Variants in FOXO3 observed in about 807,000 individuals in gnomAD.
The protein encoded by FOXO3 is forkhead box O3, also known as forkhead box protein O3.
In FOXO3, 4 loss-of-function variants were observed where a neutral mutation model predicts 41.9. That is an observed-to-expected ratio of 0.10 (90% confidence interval 0.05 to 0.22). FOXO3 has a LOEUF of 0.22. FOXO3 is among the 10% of genes least tolerant of loss of function. The probability of loss-of-function intolerance (pLI) is 1.00; values close to 1 mark genes in which losing one functional copy is unlikely to be tolerated. For missense variants in FOXO3, 534 were observed against 906.8 expected (o/e 0.59, Z 5.28); for synonymous variants, 318 against 389.3 (o/e 0.82, Z 2.16).
chr6:108,599,804 C>A (rs950782139), intron 1 of FOXO3, among the ~76,000 whole-genome samples: 1 of 152,200 alleles, frequency 6.6e-6, no homozygotes, highest in Non-Finnish European at 1.5e-5. Context: ...CAGACAAATT[C>A]TATCTTCTTC....
chr6:108,678,633 GAAT>G (rs1426472651), intron 2 of FOXO3, among the ~76,000 whole-genome samples: 1 of 151,812 alleles, frequency 6.6e-6, no homozygotes, highest in Non-Finnish European at 1.5e-5. Flanking sequence ...ATTGGAGGCA[GAAT>G]AATAATAATG....
chr6:108,614,797 T>C (rs1777448825), intron 1 of FOXO3, among the ~76,000 whole-genome samples: 1 of 152,086 alleles, frequency 6.6e-6, no homozygotes, highest in South Asian at 2.1e-4. Flanking sequence ...TCTGTTATCT[T>C]GCTATTAGTT....
intron 1 of FOXO3, among the ~76,000 whole-genome samples, chr6:108,629,905 G>C (rs1282512001): frequency 2.0e-5 from 3 of 152,116 alleles, no homozygotes; most frequent in Non-Finnish European, 2.9e-5. Context: ...CATTTGCTTG[G>C]TTATATAAAT....
At chr6:108,606,676 G>A (rs1777211512) in intron 1 of FOXO3, among the ~76,000 whole-genome samples, 1 of 152,202 alleles carries the variant, frequency 6.6e-6, no homozygotes, top group African/African-American at 2.4e-5. Flanking sequence ...TAGTCCTTTT[G>A]CCAGCCTGTT....
At chr6:108,598,009 A>G (rs929687239) in intron 1 of FOXO3, among the ~76,000 whole-genome samples, 1 of 152,258 alleles carries the variant, frequency 6.6e-6, no homozygotes, top group Non-Finnish European at 1.5e-5. Flanking sequence ...ATTCTAAGCT[A>G]GAATTGATGA....
At chr6:108,580,829 G>A (rs1426299686) in intron 1 of FOXO3, among the ~76,000 whole-genome samples, 1 of 152,244 alleles carries the variant, frequency 6.6e-6, no homozygotes, top group Non-Finnish European at 1.5e-5. Context: ...TTGTAGACAA[G>A]CATTCACATT....
chr6:108,616,310 A>G (rs1268096472), intron 1 of FOXO3, among the ~76,000 whole-genome samples: 1 of 151,682 alleles, frequency 6.6e-6, no homozygotes, highest in African/African-American at 2.4e-5. Context: ...GACTACAGGC[A>G]CCCACCACCA....
chr6:108,666,344 CT>C (rs879700153), intron 2 of FOXO3, among the ~76,000 whole-genome samples: 2 of 139,960 alleles, frequency 1.4e-5, no homozygotes, highest in Middle Eastern at 3.5e-3. Context: ...TTTTCTTTTT[CT>C]TTTTTTTTGA....
In FOXO3 at chr6:108,619,685, G is replaced by T. The variant is rs973072345; in HGVS notation, c.622-43770G>T. 3.9e-5 allele frequency among the ~76,000 whole-genome samples: 6 copies of T among 152,246 alleles called. No individual in the cohort carries two copies. The East Asian group carries it at 5.8e-4, about 15-fold the overall frequency. ...TTTTTAATTACTAAAAATAATGAATGGACTGAACCATGCTTGCCCCACTTT... is the reference window on the plus strand; with the variant it reads ...TTTTTAATTACTAAAAATAATGAATTGACTGAACCATGCTTGCCCCACTTT... On this transcript the variant is annotated intron_variant, in intron 1 of 2. Coordinates refer to ENST00000406360, the MANE Select transcript of FOXO3 (RefSeq NM_001455.4).
intron 1 of FOXO3, among the ~76,000 whole-genome samples, chr6:108,591,927 C>T (rs1470926696): frequency 1.3e-5 from 2 of 150,406 alleles, no homozygotes; most frequent in Admixed American, 6.6e-5. Flanking sequence ...CATGTCAGTA[C>T]AAAGGGAATA....
At chr6:108,604,927 A>G (rs536979372) in intron 1 of FOXO3, among the ~76,000 whole-genome samples, 2 of 152,228 alleles carry the variant, frequency 1.3e-5, no homozygotes, top group African/African-American at 4.8e-5. Context: ...AGAAAAAGGT[A>G]TTTGAAGTCA....
At chr6:108,605,949 T>C (rs1777188454) in intron 1 of FOXO3, among the ~76,000 whole-genome samples, 1 of 152,252 alleles carries the variant, frequency 6.6e-6, no homozygotes, top group South Asian at 2.1e-4. Flanking sequence ...TATTTTGTCA[T>C]GTGAGCATGT....
At chr6:108,661,686 G>A (rs183124260) in intron 1 of FOXO3, among the ~76,000 whole-genome samples, 11 of 152,264 alleles carry the variant, frequency 7.2e-5, no homozygotes, top group Non-Finnish European at 1.5e-5. Flanking sequence ...AATGAAGGTG[G>A]GGAACTGCAG....
At chr6:108,658,285 T>C (rs1214088007) in intron 1 of FOXO3, among the ~76,000 whole-genome samples, 1 of 152,168 alleles carries the variant, frequency 6.6e-6, no homozygotes, top group Admixed American at 6.5e-5. Flanking sequence ...GGCCACCCTG[T>C]ATGAATAGAA....
intron 1 of FOXO3, among the ~76,000 whole-genome samples, chr6:108,645,228 A>G (rs1292244220): frequency 6.6e-6 from 1 of 152,204 alleles, no homozygotes; most frequent in African/African-American, 2.4e-5. Flanking sequence ...ATATCCTGGT[A>G]TGTTGTGGAT....
intron 1 of FOXO3, among the ~76,000 whole-genome samples, chr6:108,571,653 A>G (rs780750749): frequency 5.9e-5 from 9 of 152,202 alleles, no homozygotes; most frequent in Non-Finnish European, 1.2e-4. Flanking sequence ...GAGCCGCCAG[A>G]AGCTGGTAGG....
intron 1 of FOXO3, among the ~76,000 whole-genome samples, chr6:108,649,950 C>G (rs1281179252): frequency 6.6e-6 from 1 of 151,974 alleles, no homozygotes; most frequent in Admixed American, 6.6e-5. Flanking sequence ...CTCAATGGCC[C>G]CCATATATTT....
At position 108,681,761 on chromosome 6, in the gene FOXO3, T is replaced by G. The variant is rs1770862386; in HGVS notation, c.*1969T>G. 1 of 152,562 alleles carries G rather than the reference T, an allele frequency of 6.6e-6. No homozygotes were observed. Among genetic ancestry groups the G allele is most frequent in the Admixed American group, 6.5e-5 (1 of 15,288 alleles). 9.5% of individuals were successfully genotyped at this position (152,562 alleles called of 1,614,324 possible). On this transcript the variant is annotated 3_prime_UTR_variant, in exon 3 of 3. Transcript: ENST00000406360. ...CTTCATTTTTAAAGTATGTGTAATTTTTTTAAGTATGTATTCTATTCATAT... is the reference window on the plus strand; with the variant it reads ...CTTCATTTTTAAAGTATGTGTAATTGTTTTAAGTATGTATTCTATTCATAT...
intron 1 of FOXO3, among the ~76,000 whole-genome samples, chr6:108,646,052 A>T (rs1778384555): frequency 6.6e-6 from 1 of 152,152 alleles, no homozygotes; most frequent in Non-Finnish European, 1.5e-5. Flanking sequence ...GAAGTGATTG[A>T]TGCTCAGACT....
Sources: gnomAD v4.1 joint callset for allele counts (sites outside exome capture counted in the v4.1 genomes callset) on GRCh38, gnomAD v4.1.1 for gene constraint, MANE v1.5 for transcripts, NCBI Gene and HGNC (gene_info 2026-07-23, HGNC 2026-07-21) for gene names.